VCL: variants seen among roughly 807,000 people sequenced by gnomAD.
VCL encodes the protein epididymis luminal protein 114.
A neutral mutation model predicts 125.7 loss-of-function variants in VCL; 47 were observed. The observed-to-expected ratio is 0.37, with a 90% CI of 0.30 to 0.48. The LOEUF (loss-of-function observed/expected upper bound fraction) is 0.48, where lower values mean the gene tolerates loss of function less well. Ranked by LOEUF, VCL falls within the 20% of genes least tolerant of loss-of-function variation. The probability of loss-of-function intolerance (pLI) is 0.99; values close to 1 mark genes in which losing one functional copy is unlikely to be tolerated. For synonymous variants in VCL, 458 were observed against 514.6 expected (o/e 0.89, Z 1.49); for missense variants, 1,069 against 1,455.5 (o/e 0.73, Z 4.32).
Position 73,998,127 on chromosome 10 carries a change from A to G in VCL, c.-81A>G, listed in dbSNP as rs2136218122. On this transcript the variant is annotated 5_prime_UTR_variant, in exon 1 of 22. Transcript: ENST00000211998. The stretch of plus-strand genomic sequence containing the variant: ...AGCCCCGACTCCGTAGTCGCTGCAC[A>G]GTCTGTCTCTTCGCCGGTTCCCGGC... 6.4e-7 allele frequency: 1 copy of G among 1,562,104 alleles called. No individual in the cohort carries two copies. The highest frequency in any genetic ancestry group is 1.2e-5 in the South Asian group (1 of 86,218).
intron 18 of VCL, 121 bp from the exon 19 acceptor site, chr10:74,111,788 C>A: frequency 7.8e-7 from 1 of 1,283,408 alleles, no homozygotes; most frequent in Non-Finnish European, 1.1e-6. Flanking sequence ...TCCTAGAGAA[C>A]ATGTTTCTTT....
chr10:74,107,672 TA>T (rs1840158657), intron 17 of VCL, among the ~76,000 whole-genome samples: 1 of 152,118 alleles, frequency 6.6e-6, no homozygotes, highest in Non-Finnish European at 1.5e-5. Flanking sequence ...TGCATTGTGG[TA>T]AAATAATCTG....
In VCL at chr10:74,097,776, A is replaced by G. The variant is rs1312633136; in HGVS notation, c.1872+444A>G. ...TTTCGAGTCAGGATGATCTTTTTAAATCAATCGATGTCATTCTTATACTCA... is the reference window on the plus strand; with the variant it reads ...TTTCGAGTCAGGATGATCTTTTTAAGTCAATCGATGTCATTCTTATACTCA... On this transcript the variant is annotated intron_variant, in intron 13 of 21. Coordinates refer to ENST00000211998, the MANE Select transcript of VCL (RefSeq NM_014000.3). This position sits in a 1 kb window ranked among gnomAD's most constrained non-coding sequence, Gnocchi z 4.1. 6.6e-6 allele frequency among the ~76,000 whole-genome samples: 1 copy of G among 152,166 alleles called. No homozygotes were observed. Among genetic ancestry groups the G allele is most frequent in the Non-Finnish European group, 1.5e-5 (1 of 68,034 alleles).
At chr10:74,093,240 T>C (rs1324934526) in intron 10 of VCL, among the ~76,000 whole-genome samples, 1 of 151,974 alleles carries the variant, frequency 6.6e-6, no homozygotes, top group Non-Finnish European at 1.5e-5. Flanking sequence ...GAGGTTGCAG[T>C]GAGCCGAGAT....
intron 2 of VCL, among the ~76,000 whole-genome samples, chr10:74,064,925 G>A (rs182232047): frequency 8.9e-4 from 136 of 152,272 alleles, no homozygotes; most frequent in African/African-American, 3.2e-3. Flanking sequence ...AAGAGGAAGA[G>A]TCCTTTATAC....
chr10:74,119,763 G>GATT lies in VCL; in HGVS notation c.*1598_*1600dup, dbSNP rs1277639488. ...TCACTATTTCCTTTATAATGAGGATGATTATTTTCAAGGCCCTCAGCATAT... is the reference window on the plus strand; with the variant it reads ...TCACTATTTCCTTTATAATGAGGATGATTATTATTTTCAAGGCCCTCAGCATAT... On this transcript the variant is annotated 3_prime_UTR_variant, in exon 22 of 22. Coordinates refer to ENST00000211998, the MANE Select transcript of VCL (RefSeq NM_014000.3). 6.6e-6 allele frequency: 1 copy of GATT among 152,574 alleles called. No homozygotes were observed. Among genetic ancestry groups the GATT allele is most frequent in the Non-Finnish European group, 1.5e-5 (1 of 68,026 alleles). 9.5% of individuals were successfully genotyped at this position (152,574 alleles called of 1,614,324 possible).
At chr10:74,113,485 G>A (rs1005922065) in intron 19 of VCL, among the ~76,000 whole-genome samples, 11 of 152,014 alleles carry the variant, frequency 7.2e-5, no homozygotes, top group Admixed American at 4.6e-4. Flanking sequence ...ACCCTTTTAC[G>A]TGGGAAAAAT....
chr10:74,097,112 A>C lies in VCL; in HGVS notation c.1744-92A>C. 1.3e-6 allele frequency: 2 copies of C among 1,541,586 alleles called. No homozygotes were observed. The highest frequency in any genetic ancestry group is 1.8e-6 in the Non-Finnish European group (2 of 1,128,564). ...AAATATTTATTGAATGAAAGACTGA[A>C]TAGATGAATGAATGTCAGTGAAGTA... On this transcript the variant is annotated intron_variant, in intron 12 of 21. Coordinates refer to ENST00000211998, the MANE Select transcript of VCL (RefSeq NM_014000.3). The surrounding 1 kb of genome is among the most constrained non-coding windows in gnomAD (Gnocchi z 4.1).
chr10:74,106,137 G>A (rs2131930030), intron 16 of VCL, among the ~76,000 whole-genome samples: 1 of 151,540 alleles, frequency 6.6e-6, no homozygotes, highest in South Asian at 2.1e-4. Flanking sequence ...GGCCAGGCTG[G>A]TCTCAAACTC....
At chr10:74,024,409 G>A (rs1840732533) in intron 1 of VCL, among the ~76,000 whole-genome samples, 2 of 152,042 alleles carry the variant, frequency 1.3e-5, no homozygotes, top group South Asian at 2.1e-4. Flanking sequence ...TCGGGGGTTC[G>A]AGACCAGCCT....
chr10:74,105,371 C>T lies in VCL; in HGVS notation c.2434+18C>T. 6.2e-7 allele frequency: 1 copy of T among 1,611,962 alleles called. No individual in the cohort carries two copies. Among genetic ancestry groups the T allele is most frequent in the Non-Finnish European group, 8.5e-7 (1 of 1,179,870 alleles). On this transcript the variant is annotated intron_variant, in intron 16 of 21. Transcript: ENST00000211998. ...CGACCCTGGTAAGCAATGCATGGCA[C>T]TATGTCTCACCTCCACTGAGAGGTT...
At chr10:74,080,017 C>T (rs1364312892) in intron 6 of VCL, among the ~76,000 whole-genome samples, 1 of 152,132 alleles carries the variant, frequency 6.6e-6, no homozygotes, top group East Asian at 1.9e-4. Context: ...TTACTCACTT[C>T]CTGAGAATTA....
chr10:74,024,437 C>G (rs977081224), intron 1 of VCL, among the ~76,000 whole-genome samples: 4 of 152,016 alleles, frequency 2.6e-5, no homozygotes, highest in African/African-American at 9.7e-5. Context: ...GTGGTGAAAC[C>G]CTGTCTCTAC....
rs111737130 is a variant in VCL at position 74,058,734 on chromosome 10, C to T, written c.240-11936C>T. Among the ~76,000 whole-genome samples, 939 of 152,196 alleles carry T rather than the reference C, an allele frequency of 6.2e-3. 9 individuals are homozygous for T. The highest frequency in any genetic ancestry group is 0.021 in the African/African-American group (865 of 41,524). ...TGTCTAAAGCTCTCCTTTCCACGGC[C>T]ACTAAACCAGTGAGCTGACATAGGA... On this transcript the variant is annotated intron_variant, in intron 2 of 21. Coordinates refer to ENST00000211998, the MANE Select transcript of VCL (RefSeq NM_014000.3).
At chr10:74,002,270 CATGT>C in intron 1 of VCL, among the ~76,000 whole-genome samples, 1 of 152,176 alleles carries the variant, frequency 6.6e-6, no homozygotes, top group East Asian at 1.9e-4. Context: ...GGATTACAGG[CATGT>C]GCCACCACGC....
At chr10:74,012,425 A>G (rs1398513017) in intron 1 of VCL, among the ~76,000 whole-genome samples, 1 of 152,236 alleles carries the variant, frequency 6.6e-6, no homozygotes, top group Non-Finnish European at 1.5e-5. Context: ...CAAGTTGCCT[A>G]AAACACAGAT....
chr10:74,078,132 A>C (rs1347209790), intron 6 of VCL, among the ~76,000 whole-genome samples: 1 of 152,140 alleles, frequency 6.6e-6, no homozygotes, highest in Non-Finnish European at 1.5e-5. Flanking sequence ...AAGTGAGATA[A>C]AAAATTAAAA....
At chr10:74,028,983 C>T (rs2136238896) in intron 1 of VCL, among the ~76,000 whole-genome samples, 2 of 151,572 alleles carry the variant, frequency 1.3e-5, no homozygotes, top group Admixed American at 6.6e-5. Flanking sequence ...CATGCCCAGC[C>T]GATTTTTGTA....
At chr10:74,091,791 C>CAAAAAAAAAAA (rs545539526) in intron 10 of VCL, among the ~76,000 whole-genome samples, 17 of 61,088 alleles carry the variant, frequency 2.8e-4, no homozygotes, top group East Asian at 1.6e-3. Flanking sequence ...TCTGTCTCAG[C>CAAAAAAAAAAA]AAAAAAAAAA....
Sources: allele counts gnomAD v4.1 joint callset (sites outside exome capture counted in the v4.1 genomes callset), GRCh38; gene constraint gnomAD v4.1.1; non-coding constraint Gnocchi (gnomAD v3.1); transcripts MANE v1.5; gene names NCBI Gene and HGNC (gene_info 2026-07-23, HGNC 2026-07-21).